The following ZSCAN25 variants were observed in gnomAD, a reference collection of about 807,000 sequenced individuals.
ZSCAN25 encodes the protein zinc finger and SCAN domain containing 25, also known as zinc finger and SCAN domain-containing protein 25.
A neutral mutation model predicts 38.7 loss-of-function variants in ZSCAN25; 27 were observed. The observed-to-expected ratio is 0.70, with a 90% CI of 0.51 to 0.96. ZSCAN25 has a LOEUF of 0.96. Among genes scored for constraint, ZSCAN25 ranks in the 40% least tolerant of loss-of-function variants. The pLI, the probability that ZSCAN25 is intolerant of heterozygous loss-of-function variation, is 0.00. For missense variants in ZSCAN25, 637 were observed against 705.9 expected (o/e 0.90, Z 1.11); for synonymous variants, 273 against 277.7 (o/e 0.98, Z 0.17).
chr7:99,726,685 T>A, the ZSCAN25 span, among the ~76,000 whole-genome samples: 3 of 152,166 alleles, frequency 2.0e-5, no homozygotes, highest in Admixed American at 6.5e-5. Context: ...CATGATTTAC[T>A]TTCTTCCCAT....
chr7:99,656,628 A>G, the ZSCAN25 span, among the ~76,000 whole-genome samples: 16 of 152,056 alleles, frequency 1.1e-4, no homozygotes, highest in African/African-American at 2.7e-4. Flanking sequence ...CTCTTTTTCT[A>G]TTGATTGGAA....
chr7:99,707,694 C>T, the ZSCAN25 span: 2 of 1,502,722 alleles, frequency 1.3e-6, no homozygotes, highest in African/African-American at 1.4e-5. Flanking sequence ...AAATAGATTC[C>T]TTGGCCCATA....
the ZSCAN25 span, among the ~76,000 whole-genome samples, chr7:99,672,042 T>TTTGTTGTTG: frequency 1.3e-5 from 2 of 151,728 alleles, no homozygotes; most frequent in African/African-American, 2.4e-5. Context: ...TTTGCCGGTT[T>TTTGTTGTTG]TTGTTGTTGT....
chr7:99,683,948 C>T, the ZSCAN25 span, among the ~76,000 whole-genome samples: 2 of 152,190 alleles, frequency 1.3e-5, no homozygotes, highest in South Asian at 4.1e-4. Context: ...GTGTGTTTAG[C>T]CTGTTGCCCA....
At chr7:99,714,721 T>C in the ZSCAN25 span, 3 of 1,602,484 alleles carry the variant, frequency 1.9e-6, no homozygotes, top group East Asian at 2.2e-5. Context: ...GAAACCATTG[T>C]GAACATACAA....
chr7:99,678,177 G>C, the ZSCAN25 span, among the ~76,000 whole-genome samples: 4 of 152,198 alleles, frequency 2.6e-5, no homozygotes, highest in African/African-American at 4.8e-5. Flanking sequence ...GTAGTGACCG[G>C]CCCACAACAT....
chr7:99,657,700 A>T, the ZSCAN25 span, among the ~76,000 whole-genome samples: 1 of 152,146 alleles, frequency 6.6e-6, no homozygotes, highest in Non-Finnish European at 1.5e-5. Flanking sequence ...GTCTTCCATT[A>T]TTATTGTGTG....
the ZSCAN25 span, among the ~76,000 whole-genome samples, chr7:99,693,817 T>C: frequency 6.6e-6 from 1 of 152,208 alleles, no homozygotes; most frequent in Non-Finnish European, 1.5e-5. Flanking sequence ...AGCTGCAGAC[T>C]AGAGCTGTTC....
At chr7:99,691,281 C>T in the ZSCAN25 span, among the ~76,000 whole-genome samples, 42 of 131,726 alleles carry the variant, frequency 3.2e-4, no homozygotes, top group African/African-American at 8.6e-4. Context: ...CATCACACTC[C>T]GGGGACTGTT....
chr7:99,678,201 C>T, the ZSCAN25 span, among the ~76,000 whole-genome samples: 1 of 152,378 alleles, frequency 6.6e-6, no homozygotes, highest in South Asian at 2.1e-4. Context: ...AGACCACACA[C>T]AGAGTGACAC....
the ZSCAN25 span, chr7:99,699,892 T>C: frequency 3.3e-5 from 32 of 963,104 alleles, no homozygotes; most frequent in South Asian, 4.0e-4. Context: ...TTAAAACAGA[T>C]GAGGGAACAG....
chr7:99,674,589 G>A, the ZSCAN25 span: 25 of 1,612,044 alleles, frequency 1.6e-5, no homozygotes, highest in Non-Finnish European at 2.0e-5. Context: ...AGAGACCCTG[G>A]GAGAGGAAAC....
At chr7:99,675,536 G>A in the ZSCAN25 span, among the ~76,000 whole-genome samples, 1 of 151,262 alleles carries the variant, frequency 6.6e-6, no homozygotes, top group Admixed American at 6.6e-5. Flanking sequence ...CTGGACATGA[G>A]CTTGTGACTT....
At chr7:99,673,218 C>T in the ZSCAN25 span, among the ~76,000 whole-genome samples, 1 of 152,158 alleles carries the variant, frequency 6.6e-6, no homozygotes, top group African/African-American at 2.4e-5. Flanking sequence ...AGCTCCACAG[C>T]ACTCCACAGT....
Position 99,621,542 on chromosome 7 carries a change from C to T in ZSCAN25, c.557C>T (p.Pro186Leu). 6.6e-7 allele frequency: 1 copy of T among 1,524,362 alleles called. No homozygotes were observed. Among genetic ancestry groups the T allele is most frequent in the Non-Finnish European group, 8.9e-7 (1 of 1,125,888 alleles). 94.4% of individuals were successfully genotyped at this position (1,524,362 alleles called of 1,614,324 possible). A position where few individuals can be genotyped will look rare whatever the true frequency, so the allele number is the denominator to read the frequency against. ...PGTEEQLSQD[P>L]GDETRAFQEQ... is the part of the protein sequence containing the mutation. The stretch of plus-strand genomic sequence containing the variant: ...ACCGAGGAGCAGCTCAGTCAGGACC[C>T]TGGAGATGAGACACGGGCCTTCCAG... Residue 186 changes from proline (P) to leucine (L), a missense_variant, in exon 5 of 8, where the codon CCT (proline) becomes CTT (leucine). Transcript: ENST00000394152.
downstream of ZSCAN25, among the ~76,000 whole-genome samples, chr7:99,634,908 C>T (rs1284093884): frequency 6.6e-6 from 1 of 152,162 alleles, no homozygotes; most frequent in East Asian, 1.9e-4. Context: ...TGCCACTGCA[C>T]TCCAGCCTGG....
the ZSCAN25 span, among the ~76,000 whole-genome samples, chr7:99,681,577 A>G: frequency 6.6e-6 from 1 of 152,204 alleles, no homozygotes; most frequent in African/African-American, 2.4e-5. Flanking sequence ...TGAGCACCTT[A>G]TCATATGCCT....
the ZSCAN25 span, chr7:99,638,725 A>G: frequency 1.0e-5 from 13 of 1,277,798 alleles, no homozygotes; most frequent in African/African-American, 2.9e-5. Flanking sequence ...GAGGATCCAC[A>G]TTTCCTTGTT....
the ZSCAN25 span, chr7:99,710,764 GC>G: frequency 6.2e-7 from 1 of 1,613,850 alleles, no homozygotes; most frequent in Non-Finnish European, 8.5e-7. Context: ...ATTTCCTTCT[GC>G]ACTTTCTGCT....
Sources: allele counts gnomAD v4.1 joint callset (sites outside exome capture counted in the v4.1 genomes callset), GRCh38; gene constraint gnomAD v4.1.1; transcripts MANE v1.5; gene names NCBI Gene and HGNC (gene_info 2026-07-23, HGNC 2026-07-21).